UBA2: variants seen among roughly 807,000 people sequenced by gnomAD.
The protein encoded by UBA2 is ubiquitin like modifier activating enzyme 2.
A neutral mutation model predicts 77.2 loss-of-function variants in UBA2; 11 were observed. That is an observed-to-expected ratio of 0.14 (90% CI 0.09 to 0.24). The LOEUF is 0.24. Among genes scored for constraint, UBA2 ranks in the 10% least tolerant of loss-of-function variants. The probability of loss-of-function intolerance (pLI) is 1.00; values close to 1 mark genes in which losing one functional copy is unlikely to be tolerated. For missense variants in UBA2, 487 were observed against 781.7 expected, an observed-to-expected ratio of 0.62 and a Z score of 4.50; for synonymous variants, 278 against 276.7, an observed-to-expected ratio of 1.00 and a Z score of -0.05.
intron 1 of UBA2, 51 bp from the exon 2 acceptor site, chr19:34,430,525 C>A: frequency 7.0e-7 from 1 of 1,425,792 alleles, no homozygotes; most frequent in Non-Finnish European, 9.9e-7. Flanking sequence ...AGTGATACAG[C>A]TCAAACATAC....
intron 7 of UBA2, among the ~76,000 whole-genome samples, chr19:34,444,330 C>G (rs1470764304): frequency 2.0e-5 from 3 of 151,788 alleles, no homozygotes; most frequent in African/African-American, 7.3e-5. Flanking sequence ...AGTGCTGGGA[C>G]AGGCGTAAGC....
At chr19:34,447,657 T>C (rs934362737) in intron 8 of UBA2, among the ~76,000 whole-genome samples, 1 of 152,176 alleles carries the variant, frequency 6.6e-6, no homozygotes, top group African/African-American at 2.4e-5. Context: ...CCTTGCTCTT[T>C]AGAGGGAGTT....
In UBA2 at chr19:34,428,402, C is replaced by G. The variant is rs778276299; in HGVS notation, c.-31C>G. 28 of 1,238,490 alleles carry G rather than the reference C, an allele frequency of 2.3e-5. No homozygotes were observed. Among genetic ancestry groups the G allele is most frequent in the Non-Finnish European group, 2.5e-5 (25 of 990,144 alleles). 76.7% of individuals were successfully genotyped at this position (1,238,490 alleles called of 1,614,324 possible). A position where few individuals can be genotyped will look rare whatever the true frequency, so the allele number is the denominator to read the frequency against. ...GGCCGCGGCTCGGTTCTCCCGCCTC[C>G]GCCTCCGCCGCGGCTCGTGGTTGTC... On this transcript the variant is annotated 5_prime_UTR_variant, in exon 1 of 17. Coordinates refer to ENST00000246548, the MANE Select transcript of UBA2 (RefSeq NM_005499.3).
At chr19:34,454,914 C>A (rs1221440143) in intron 12 of UBA2, among the ~76,000 whole-genome samples, 4 of 152,092 alleles carry the variant, frequency 2.6e-5, no homozygotes, top group African/African-American at 9.7e-5. Flanking sequence ...AGTCATTCTC[C>A]TATTGAGTCA....
intron 14 of UBA2, among the ~76,000 whole-genome samples, chr19:34,461,308 A>C (rs538930473): frequency 2.4e-4 from 36 of 152,156 alleles, no homozygotes; most frequent in Non-Finnish European, 4.3e-4. Context: ...ATACTTTGTG[A>C]GGTCCTGATG....
In UBA2 at chr19:34,444,055, T is replaced by G. The variant is rs568625765; in HGVS notation, c.649+144T>G. On this transcript the variant is annotated intron_variant, in intron 7 of 16. Transcript: ENST00000246548. ...TGTGTTTTTTTTTTGTTTTTTTTTTTTTTTTTTTTTTTTGTCTCAGAGGTG... is the reference window on the plus strand; with the variant it reads ...TGTGTTTTTTTTTTGTTTTTTTTTTGTTTTTTTTTTTTTGTCTCAGAGGTG... The G allele has an allele frequency of 8.0e-3, 3,579 of 446,204 alleles. 17 individuals are homozygous for G. Among genetic ancestry groups the G allele is most frequent in the Admixed American group, 0.011 (267 of 24,366 alleles). 27.6% of individuals were successfully genotyped at this position (446,204 alleles called of 1,614,324 possible). A position where few individuals can be genotyped will look rare whatever the true frequency, so the allele number is the denominator to read the frequency against.
intron 8 of UBA2, among the ~76,000 whole-genome samples, chr19:34,449,371 A>G (rs190870216): frequency 3.9e-5 from 6 of 152,254 alleles, no homozygotes; most frequent in Admixed American, 6.5e-5. Context: ...CTGGCCAGAA[A>G]TCCTTACTCA....
At chr19:34,458,337 C>T (rs886536255) in intron 12 of UBA2, among the ~76,000 whole-genome samples, 14 of 151,930 alleles carry the variant, frequency 9.2e-5, no homozygotes, top group Admixed American at 6.6e-4. Flanking sequence ...GGGCGGATCA[C>T]GAGGTCAGGA....
intron 15 of UBA2, among the ~76,000 whole-genome samples, chr19:34,466,408 A>C (rs555742759): frequency 1.2e-4 from 18 of 152,336 alleles, no homozygotes; most frequent in African/African-American, 2.4e-4. Context: ...CTAAAGAAAT[A>C]ATGTCCAAGA....
chr19:34,442,967 A>C (rs1327635179), intron 6 of UBA2, among the ~76,000 whole-genome samples: 1 of 152,178 alleles, frequency 6.6e-6, no homozygotes, highest in Non-Finnish European at 1.5e-5. Flanking sequence ...CATATACTTG[A>C]GGAAATACTG....
At position 34,438,628 on chromosome 19, in the gene UBA2, A is replaced by AT; in HGVS notation, c.460-16dup. The AT allele has an allele frequency of 6.2e-7, 1 of 1,611,932 alleles. No homozygotes were observed. Among genetic ancestry groups the AT allele is most frequent in the Non-Finnish European group, 8.5e-7 (1 of 1,179,430 alleles). ...TGCCATCATGGAGTAAATTTTTCTC[A>AT]TATCCTGACTTCATAGGGTGTGACC... On this transcript the variant is annotated splice_polypyrimidine_tract_variant and intron_variant, in intron 5 of 16. Transcript: ENST00000246548.
At chr19:34,438,559 A>G (rs2075334949) in intron 5 of UBA2, 86 bp from the exon 6 acceptor site, 2 of 1,496,344 alleles carry the variant, frequency 1.3e-6, no homozygotes, top group Admixed American at 2.1e-5. Flanking sequence ...TAGTTGGAAT[A>G]TAGATGAATG....
intron 5 of UBA2, among the ~76,000 whole-genome samples, chr19:34,436,147 G>A (rs1410172123): frequency 6.6e-6 from 1 of 151,426 alleles, no homozygotes; most frequent in Admixed American, 6.6e-5. Flanking sequence ...AAATTCTGTT[G>A]TCTAAGAGTC....
chr19:34,457,270 G>A (rs2145554360), intron 12 of UBA2, among the ~76,000 whole-genome samples: 1 of 146,874 alleles, frequency 6.8e-6, no homozygotes, highest in Middle Eastern at 3.5e-3. Context: ...AGGAGGCTGA[G>A]GCAGGAGAAT....
In UBA2 at chr19:34,452,161, A is replaced by G. The variant is rs758714738; in HGVS notation, c.1038+14A>G. 6 of 1,565,932 alleles carry G rather than the reference A, an allele frequency of 3.8e-6. No homozygotes were observed. The Admixed American group carries it at 5.3e-5, about 14-fold the overall frequency. On this transcript the variant is annotated intron_variant, in intron 10 of 16. Coordinates refer to ENST00000246548, the MANE Select transcript of UBA2 (RefSeq NM_005499.3). The stretch of plus-strand genomic sequence containing the variant: ...ATATGGGATAAGGTTCGTTTTGACA[A>G]TGTGTGGCAAGTACTTACATGTCAA...
chr19:34,442,662 T>G (rs1257695563), intron 6 of UBA2, among the ~76,000 whole-genome samples: 1 of 152,096 alleles, frequency 6.6e-6, no homozygotes, highest in Non-Finnish European at 1.5e-5. Context: ...AACTCCTGAC[T>G]TCGGTTGATC....
chr19:34,461,233 C>G (rs1283186869), intron 14 of UBA2, among the ~76,000 whole-genome samples: 1 of 152,152 alleles, frequency 6.6e-6, no homozygotes, highest in Non-Finnish European at 1.5e-5. Flanking sequence ...TCGAAGGTTT[C>G]TAGGCCCTGT....
At chr19:34,456,103 TTTC>T (rs573269525) in intron 12 of UBA2, among the ~76,000 whole-genome samples, 35,464 of 93,432 alleles carry the variant, frequency 0.38, 9,544 homozygotes, top group Non-Finnish European at 0.53. Flanking sequence ...TCCTTTTCTT[TTTC>T]TTTTTTTTTT....
chr19:34,433,125 CTT>C (rs1300267796), intron 3 of UBA2: 2 of 459,460 alleles, frequency 4.4e-6, no homozygotes, highest in African/African-American at 4.1e-5. Context: ...AGATCTTTCT[CTT>C]GTGCCCTAGC....
Sources: allele counts gnomAD v4.1 joint callset (sites outside exome capture counted in the v4.1 genomes callset), GRCh38; gene constraint gnomAD v4.1.1; transcripts MANE v1.5; gene names NCBI Gene and HGNC (gene_info 2026-07-23, HGNC 2026-07-21).